PFDN1: variants seen among roughly 807,000 people sequenced by gnomAD.
PFDN1 encodes prefoldin 1.
PFDN1 carries 6 observed loss-of-function variants against 17.3 expected under a neutral mutation model. The observed-to-expected ratio is 0.35, with a 90% CI of 0.19 to 0.69. The LOEUF (loss-of-function observed/expected upper bound fraction) is 0.69. PFDN1 is among the 30% of genes least tolerant of loss of function. PFDN1 has a pLI of 0.65. For missense variants in PFDN1, 113 were observed against 146.2 expected, an observed-to-expected ratio of 0.77 and a Z score of 1.17; for synonymous variants, 58 against 50.1, an observed-to-expected ratio of 1.16 and a Z score of -0.67.
At chr5:140,271,976 G>T (rs184766497) in intron 3 of PFDN1, among the ~76,000 whole-genome samples, 5 of 143,750 alleles carry the variant, frequency 3.5e-5, no homozygotes, top group African/African-American at 8.0e-5. Flanking sequence ...ATATACATAA[G>T]ATATATATTT....
chr5:140,254,161 TG>T lies in PFDN1; in HGVS notation c.286-8105del, dbSNP rs1764954002. Among the ~76,000 whole-genome samples, 2 of 152,164 alleles carry T rather than the reference TG, an allele frequency of 1.3e-5. No homozygotes were observed. The highest frequency in any genetic ancestry group is 4.8e-5 in the African/African-American group (2 of 41,424). On this transcript the variant is annotated intron_variant, in intron 3 of 3. Coordinates refer to ENST00000261813, the MANE Select transcript of PFDN1 (RefSeq NM_002622.5). The surrounding 1 kb of genome is among the most constrained non-coding windows in gnomAD (Gnocchi z 4.4). Reference sequence around the variant, plus strand: ...CAGACAATGTGTAAACAAATGGGTGTGGTGCAGATGAATGGGCACGGCTATG... The same window carrying T: ...CAGACAATGTGTAAACAAATGGGTGTGTGCAGATGAATGGGCACGGCTATG...
chr5:140,292,876 T>A (rs1316315838), intron 2 of PFDN1: 1 of 152,144 alleles, frequency 6.6e-6, no homozygotes, highest in East Asian at 1.9e-4. Context: ...CAAGTGCGTG[T>A]TCATATATAT....
At chr5:140,275,447 C>T (rs188024887) in intron 3 of PFDN1, among the ~76,000 whole-genome samples, 60 of 151,374 alleles carry the variant, frequency 4.0e-4, no homozygotes, top group Admixed American at 9.2e-4. Context: ...GTTTATTCTG[C>T]TAATAAGGAA....
intron 2 of PFDN1, among the ~76,000 whole-genome samples, chr5:140,283,136 C>T (rs988210577): frequency 5.3e-5 from 8 of 152,336 alleles, no homozygotes; most frequent in African/African-American, 1.9e-4. Context: ...CTTGTCCCCT[C>T]TTCTTCATAA....
Position 140,245,158 on chromosome 5 carries a change from G to C in PFDN1, c.*816C>G. On this transcript the variant is annotated 3_prime_UTR_variant, in exon 4 of 4. Coordinates refer to ENST00000261813, the MANE Select transcript of PFDN1 (RefSeq NM_002622.5). ...AATGGCTGTGTTTGACAACTGGCTT[G>C]CAACAAAATTCTTGAAAATTGAATA... 3.5e-6 allele frequency: 1 copy of C among 289,380 alleles called. No homozygotes were observed. The highest frequency in any genetic ancestry group is 6.5e-6 in the Non-Finnish European group (1 of 154,076). 17.9% of individuals were successfully genotyped at this position (289,380 alleles called of 1,614,324 possible). A position where few individuals can be genotyped will look rare whatever the true frequency, so the allele number is the denominator to read the frequency against.
intron 3 of PFDN1, among the ~76,000 whole-genome samples, chr5:140,274,632 C>T (rs1358545430): frequency 6.6e-6 from 1 of 152,198 alleles, no homozygotes; most frequent in East Asian, 1.9e-4. Context: ...CTACATAAAC[C>T]GTGAGTCTGT....
intron 3 of PFDN1, among the ~76,000 whole-genome samples, chr5:140,276,422 G>A (rs1295553005): frequency 6.6e-6 from 1 of 152,164 alleles, no homozygotes; most frequent in Admixed American, 6.5e-5. Context: ...GAGGGAGGAA[G>A]TTCCCAAGTG....
At chr5:140,293,252 C>A (rs900183240) in intron 2 of PFDN1, 6 of 151,694 alleles carry the variant, frequency 4.0e-5, no homozygotes, top group African/African-American at 1.5e-4. Flanking sequence ...CTGTAGTATC[C>A]CGCAAATGAC....
In PFDN1 at chr5:140,273,919, G is replaced by A. The variant is rs79565898; in HGVS notation, c.285+7530C>T. ...GGTTGAAGGCTGACTTTAGGTTGAA[G>A]CAGTAACTGGCCTCCACCTGGAACA... On this transcript the variant is annotated intron_variant, in intron 3 of 3. Transcript: ENST00000261813. 2,475 of 984,012 alleles carry A rather than the reference G, an allele frequency of 2.5e-3. 50 individuals are homozygous for A. The African/African-American group carries it at 0.04, about 16-fold the overall frequency. The allele number at this position is 984,012 out of a possible 1,614,324, so 61.0% of individuals were successfully genotyped here. A position where few individuals can be genotyped will look rare whatever the true frequency, so the allele number is the denominator to read the frequency against.
intron 2 of PFDN1, among the ~76,000 whole-genome samples, chr5:140,294,191 AT>A (rs540149372): frequency 2.0e-5 from 3 of 152,104 alleles, no homozygotes; most frequent in South Asian, 2.1e-4. Context: ...CTCACACATT[AT>A]TTTTTCCCCT....
At chr5:140,246,325 G>A (rs1239514830) in intron 3 of PFDN1, among the ~76,000 whole-genome samples, 1 of 152,182 alleles carries the variant, frequency 6.6e-6, no homozygotes. Context: ...CCCCCAGAAG[G>A]AAGAAGACTC....
chr5:140,285,462 T>C (rs1279431379), intron 2 of PFDN1, among the ~76,000 whole-genome samples: 1 of 152,102 alleles, frequency 6.6e-6, no homozygotes, highest in Non-Finnish European at 1.5e-5. Context: ...TAGAAATAAA[T>C]TGAACTTCTT....
intron 1 of PFDN1, among the ~76,000 whole-genome samples, chr5:140,302,521 G>A (rs1288617016): frequency 3.9e-5 from 6 of 152,036 alleles, no homozygotes; most frequent in African/African-American, 2.4e-5. Flanking sequence ...GTGGAGGGGG[G>A]GCAAAATCCT....
chr5:140,280,014 C>CAAAAAAAAAAAAAAAAAAAAAAAAAAA (rs5871731), intron 3 of PFDN1, among the ~76,000 whole-genome samples: 1 of 99,126 alleles, frequency 1.0e-5, no homozygotes, highest in African/African-American at 5.0e-5. Flanking sequence ...AAAAAAAAAA[C>CAAAAAAAAAAAAAAAAAAAAAAAAAAA]AAAAAAAGAA....
intron 3 of PFDN1, among the ~76,000 whole-genome samples, chr5:140,272,821 C>T (rs1291215878): frequency 3.3e-5 from 5 of 152,040 alleles, no homozygotes; most frequent in African/African-American, 4.8e-5. Context: ...GGATAACTGA[C>T]GTGTTTGCTT....
intron 3 of PFDN1, among the ~76,000 whole-genome samples, chr5:140,264,138 C>T (rs1304055468): frequency 6.9e-6 from 1 of 145,420 alleles, no homozygotes; most frequent in Non-Finnish European, 1.5e-5. Flanking sequence ...AAGTTCCAGA[C>T]ATTTAAACAA....
chr5:140,268,726 A>C (rs757526921), intron 3 of PFDN1, among the ~76,000 whole-genome samples: 1 of 152,238 alleles, frequency 6.6e-6, no homozygotes, highest in Non-Finnish European at 1.5e-5. Context: ...TAAGTATCAT[A>C]TATTTTATAA....
chr5:140,299,797 A>C (rs188849199), intron 2 of PFDN1, among the ~76,000 whole-genome samples: 19 of 151,980 alleles, frequency 1.3e-4, no homozygotes, highest in South Asian at 1.0e-3. Flanking sequence ...GCGGATCAGG[A>C]GGTCAGGAGT....
chr5:140,256,658 C>CA (rs757723797), intron 3 of PFDN1, among the ~76,000 whole-genome samples: 2,381 of 39,650 alleles, frequency 0.06, 160 homozygotes, highest in African/African-American at 0.085. Flanking sequence ...CAAAAAATGA[C>CA]AAAAAAAAAA....
Sources: allele counts gnomAD v4.1 joint callset (sites outside exome capture counted in the v4.1 genomes callset), GRCh38; gene constraint gnomAD v4.1.1; non-coding constraint Gnocchi (gnomAD v3.1); transcripts MANE v1.5; gene names NCBI Gene and HGNC (gene_info 2026-07-23, HGNC 2026-07-21).